RIOX2: variants seen among roughly 807,000 people sequenced by gnomAD.
The protein encoded by RIOX2 is 60S ribosomal protein L27a histidine hydroxylase.
A neutral mutation model predicts 51.2 loss-of-function variants in RIOX2; 43 were observed. That is an observed-to-expected ratio of 0.84 (90% CI 0.66 to 1.08). The LOEUF (loss-of-function observed/expected upper bound fraction) is 1.08. Ranked by LOEUF, RIOX2 falls within the 50% of genes least tolerant of loss-of-function variation. RIOX2 has a pLI of 0.00. For synonymous variants in RIOX2, 226 were observed against 218.5 expected, an observed-to-expected ratio of 1.03 and a Z score of -0.30; for missense variants, 566 against 561.7, an observed-to-expected ratio of 1.01 and a Z score of -0.08.
intron 4 of RIOX2, among the ~76,000 whole-genome samples, chr3:97,955,432 ATCT>A (rs1239490420): frequency 6.6e-6 from 1 of 152,116 alleles, no homozygotes. Context: ...AGGGCAGCTC[ATCT>A]TCTCTCTGCA....
rs10542689 is a variant in RIOX2 at position 97,962,356 on chromosome 3, ACCCCCCC to A, written c.433-655_433-649del. On this transcript the variant is annotated intron_variant, in intron 2 of 9. Transcript: ENST00000394198. ...GGAATGTTAAGTTTGGAATGCTAAG[ACCCCCCC>A]CCCCCCCCCCACATGGAGATGTCTT... 4.3e-5 allele frequency among the ~76,000 whole-genome samples: 3 copies of A among 70,200 alleles called. 1 individual carries two copies. The East Asian group carries it at 2.7e-3, about 63-fold the overall frequency. The allele number at this position is 70,200 out of a possible 152,430, so 46.1% of individuals were successfully genotyped here.
chr3:97,968,238 T>A (rs1705971757), intron 1 of RIOX2, among the ~76,000 whole-genome samples: 1 of 152,032 alleles, frequency 6.6e-6, no homozygotes, highest in Non-Finnish European at 1.5e-5. Flanking sequence ...ACCTGCTCAC[T>A]TCCAACTCTG....
chr3:97,966,716 C>T (rs1219821844), intron 2 of RIOX2, among the ~76,000 whole-genome samples: 1 of 152,138 alleles, frequency 6.6e-6, no homozygotes, highest in East Asian at 1.9e-4. Flanking sequence ...GGCTCTGAAG[C>T]CTCCATTTAG....
At chr3:97,954,529 A>T (rs1705384899) in intron 4 of RIOX2, 34 bp from the exon 5 acceptor site, 2 of 1,544,478 alleles carry the variant, frequency 1.3e-6, no homozygotes, top group African/African-American at 2.7e-5. Context: ...TAGAGAAGTT[A>T]ATAAGTATTC....
chr3:97,959,605 G>A (rs760889377), intron 3 of RIOX2, among the ~76,000 whole-genome samples: 5 of 152,082 alleles, frequency 3.3e-5, no homozygotes, highest in Admixed American at 6.6e-5. Context: ...GAGCCACCAC[G>A]CCTGGCCTAA....
intron 2 of RIOX2, among the ~76,000 whole-genome samples, chr3:97,963,895 T>G (rs1046577402): frequency 3.9e-5 from 6 of 152,192 alleles, no homozygotes; most frequent in African/African-American, 2.4e-5. Flanking sequence ...CAAGGTGACT[T>G]CAGTTGTTTA....
intron 1 of RIOX2, 149 bp from the exon 2 acceptor site, chr3:97,967,781 A>G: frequency 1.8e-6 from 1 of 560,558 alleles, no homozygotes; most frequent in Non-Finnish European, 3.0e-6. Flanking sequence ...GATAGGAGAC[A>G]GCCTTAAGCC....
At position 97,944,940 on chromosome 3, in the gene RIOX2, G is replaced by A; in HGVS notation, c.*244C>T. The A allele has an allele frequency of 3.2e-6, 1 of 314,322 alleles. No individual in the cohort carries two copies. Among genetic ancestry groups the A allele is most frequent in the Non-Finnish European group, 5.8e-6 (1 of 172,466 alleles). The allele number at this position is 314,322 out of a possible 1,614,324, so 19.5% of individuals were successfully genotyped here. A position where few individuals can be genotyped will look rare whatever the true frequency, so the allele number is the denominator to read the frequency against. On this transcript the variant is annotated 3_prime_UTR_variant, in exon 10 of 10. Coordinates refer to ENST00000394198, the MANE Select transcript of RIOX2 (RefSeq NM_153182.4). Reference sequence around the variant, plus strand: ...GGAATTGTGCCTTTTCTACCACACTGGATTAAATAAACTTGTCAAAATATG... The same window carrying A: ...GGAATTGTGCCTTTTCTACCACACTAGATTAAATAAACTTGTCAAAATATG...
chr3:97,961,740 C>G, intron 2 of RIOX2, 32 bp from the exon 3 acceptor site: 1 of 1,555,760 alleles, frequency 6.4e-7, no homozygotes, highest in Non-Finnish European at 8.6e-7. Flanking sequence ...AAAGGGTCGG[C>G]GTGGGGGAGT....
At chr3:97,968,277 T>C (rs1705973894) in intron 1 of RIOX2, among the ~76,000 whole-genome samples, 1 of 152,132 alleles carries the variant, frequency 6.6e-6, no homozygotes, top group African/African-American at 2.4e-5. Context: ...GCCACTTTTA[T>C]CAGAAACTCC....
intron 2 of RIOX2, among the ~76,000 whole-genome samples, chr3:97,964,438 C>G (rs2107187699): frequency 6.6e-6 from 1 of 151,734 alleles, no homozygotes; most frequent in Middle Eastern, 3.4e-3. Context: ...TGCCTGTAAT[C>G]CCAGCATTTT....
At chr3:97,963,417 G>A (rs1385604519) in intron 2 of RIOX2, among the ~76,000 whole-genome samples, 1 of 152,178 alleles carries the variant, frequency 6.6e-6, no homozygotes. Context: ...TGTGAGCCAT[G>A]GATTTAGCCA....
chr3:97,962,245 G>GCAAT (rs1186599884), intron 2 of RIOX2, among the ~76,000 whole-genome samples: 1 of 151,850 alleles, frequency 6.6e-6, no homozygotes, highest in Non-Finnish European at 1.5e-5. Flanking sequence ...TTTGACTTGG[G>GCAAT]CAATCAGTTC....
chr3:97,942,102 A>G lies in RIOX2; in HGVS notation c.*3082T>C, dbSNP rs1575982671. The stretch of plus-strand genomic sequence containing the variant: ...TTGGTTTATTTCTGTACCATCTCCT[A>G]CCCACAGCCGTAAAGAAGACATTAA... On this transcript the variant is annotated 3_prime_UTR_variant, in exon 10 of 10. Transcript: ENST00000394198. 1 of 422,774 alleles carries G rather than the reference A, an allele frequency of 2.4e-6. No homozygotes were observed. The highest frequency in any genetic ancestry group is 4.1e-6 in the Non-Finnish European group (1 of 245,452). 26.2% of individuals were successfully genotyped at this position (422,774 alleles called of 1,614,324 possible).
chr3:97,971,750 A>AT (rs1180539055), intron 1 of RIOX2: 1 of 152,262 alleles, frequency 6.6e-6, no homozygotes, highest in Non-Finnish European at 1.5e-5. Context: ...GAGTGGCGAA[A>AT]TCAGATCCTC....
At chr3:97,969,070 T>C (rs1706018307) in intron 1 of RIOX2, among the ~76,000 whole-genome samples, 1 of 152,164 alleles carries the variant, frequency 6.6e-6, no homozygotes. Context: ...AGATGTAAAC[T>C]GAACAAATTA....
chr3:97,969,659 G>GC (rs1239588006), intron 1 of RIOX2, among the ~76,000 whole-genome samples: 3 of 152,176 alleles, frequency 2.0e-5, no homozygotes, highest in African/African-American at 7.2e-5. Flanking sequence ...TAAGTGAAAA[G>GC]CCCCCAGTAA....
chr3:97,947,299 C>G, intron 8 of RIOX2, 62 bp downstream of exon 8: 1 of 1,290,700 alleles, frequency 7.7e-7, no homozygotes, highest in East Asian at 2.3e-5. Flanking sequence ...ATCTAATAAC[C>G]TGAGGCCTCT....
Position 97,942,989 on chromosome 3 carries a change from G to A in RIOX2, c.*2195C>T, listed in dbSNP as rs1159439995. 5.2e-5 allele frequency: 23 copies of A among 441,876 alleles called. No homozygotes were observed. Among genetic ancestry groups the A allele is most frequent in the Non-Finnish European group, 7.9e-5 (20 of 251,800 alleles). 27.4% of individuals were successfully genotyped at this position (441,876 alleles called of 1,614,324 possible). A position where few individuals can be genotyped will look rare whatever the true frequency, so the allele number is the denominator to read the frequency against. On this transcript the variant is annotated 3_prime_UTR_variant, in exon 10 of 10. Coordinates refer to ENST00000394198, the MANE Select transcript of RIOX2 (RefSeq NM_153182.4). Reference sequence around the variant, plus strand: ...GTTCTAAAGAATCACATTAAGGCACGCCACTTATACAATCATGTATTATAC... The same window carrying A: ...GTTCTAAAGAATCACATTAAGGCACACCACTTATACAATCATGTATTATAC...
Sources: allele counts gnomAD v4.1 joint callset (sites outside exome capture counted in the v4.1 genomes callset), GRCh38; gene constraint gnomAD v4.1.1; transcripts MANE v1.5; gene names NCBI Gene and HGNC (gene_info 2026-07-23, HGNC 2026-07-21).